Variants in VPS26A observed in about 807,000 individuals in gnomAD.
VPS26A encodes the protein vacuolar protein sorting-associated protein 26A.
Under a neutral mutation model 42.4 loss-of-function variants are expected in VPS26A, and 22 were observed. The ratio of observed to expected loss-of-function variants is 0.52; its 90% CI spans 0.37 to 0.74. The LOEUF (loss-of-function observed/expected upper bound fraction) is 0.74, where lower values mean the gene tolerates loss of function less well. Ranked by LOEUF, VPS26A falls within the 30% of genes least tolerant of loss-of-function variation. The probability of loss-of-function intolerance (pLI) is 0.00; values close to 1 mark genes in which losing one functional copy is unlikely to be tolerated. For missense variants in VPS26A, 276 were observed against 379.2 expected (o/e 0.73, Z 2.26); for synonymous variants, 110 against 123.5 (o/e 0.89, Z 0.73).
intron 2 of VPS26A, 21 bp from the exon 3 acceptor site, chr10:69,155,789 CTT>C: frequency 1.3e-6 from 2 of 1,598,766 alleles, no homozygotes; most frequent in Non-Finnish European, 1.7e-6. Flanking sequence ...GTTAACATCT[CTT>C]ATAATTTCAT....
Position 69,133,680 on chromosome 10 carries a change from GT to G in VPS26A, c.153+637del, listed in dbSNP as rs1564673951. The G allele has an allele frequency of 2.8e-6, 3 of 1,085,200 alleles. No individual in the cohort carries two copies. The African/African-American group carries it at 5.0e-5, about 18-fold the overall frequency. The allele number at this position is 1,085,200 out of a possible 1,614,324, so 67.2% of individuals were successfully genotyped here. A position where few individuals can be genotyped will look rare whatever the true frequency, so the allele number is the denominator to read the frequency against. On this transcript the variant is annotated intron_variant, in intron 2 of 8. Coordinates refer to ENST00000263559, the MANE Select transcript of VPS26A (RefSeq NM_004896.5). ...TTGTTTTGGGTTTTTTGGGTTTTTT[GT>G]TTTGTTTTGTTTCGTTTTTTAAATA... is the stretch of plus-strand genomic sequence containing the variant.
chr10:69,140,359 A>AC (rs997277403), intron 2 of VPS26A, among the ~76,000 whole-genome samples: 52 of 151,568 alleles, frequency 3.4e-4, no homozygotes, highest in African/African-American at 1.0e-3. Context: ...GAGCCACTGC[A>AC]CCCGACCTTC....
chr10:69,134,343 T>G (rs1225983565), intron 2 of VPS26A, among the ~76,000 whole-genome samples: 9 of 152,212 alleles, frequency 5.9e-5, no homozygotes, highest in Admixed American at 5.2e-4. Flanking sequence ...TTCATATCTT[T>G]GGTAATATGG....
chr10:69,149,512 T>TA (rs1841243143), intron 2 of VPS26A, among the ~76,000 whole-genome samples: 1 of 152,128 alleles, frequency 6.6e-6, no homozygotes, highest in Non-Finnish European at 1.5e-5. Context: ...GGAACACATT[T>TA]AAAATTTTTT....
Position 69,173,572 on chromosome 10 carries a change from G to A in VPS26A, c.*2303G>A, listed in dbSNP as rs113439717. Among the ~76,000 whole-genome samples the A allele has an allele frequency of 3.8e-4, 58 of 152,354 alleles. 3 individuals are homozygous for A. The highest frequency in any genetic ancestry group is 1.3e-3 in the African/African-American group (55 of 41,584). On this transcript the variant is annotated 3_prime_UTR_variant, in exon 9 of 9. Transcript: ENST00000263559. Reference sequence around the variant, plus strand: ...GTGAAGCCAGCTGGACTTCTGAGTTGCGTGGGGACTTGGAGAACTTTTCTG... The same window carrying A: ...GTGAAGCCAGCTGGACTTCTGAGTTACGTGGGGACTTGGAGAACTTTTCTG...
At chr10:69,131,512 A>G (rs181950667) in intron 1 of VPS26A, among the ~76,000 whole-genome samples, 1 of 152,278 alleles carries the variant, frequency 6.6e-6, no homozygotes, top group Non-Finnish European at 1.5e-5. Flanking sequence ...AGGCGAGTGG[A>G]TCACGAGGTC....
intron 1 of VPS26A, among the ~76,000 whole-genome samples, chr10:69,124,899 A>T (rs1840617399): frequency 6.6e-6 from 1 of 152,216 alleles, no homozygotes; most frequent in Non-Finnish European, 1.5e-5. Context: ...CGTTTTAAGC[A>T]TTGGCTCTCA....
intron 5 of VPS26A, 35 bp downstream of exon 5, chr10:69,158,246 A>C (rs374928650): frequency 6.6e-7 from 1 of 1,505,310 alleles, no homozygotes; most frequent in African/African-American, 1.4e-5. Context: ...GTTCAGAGAA[A>C]ATTCAAAAAT....
chr10:69,169,243 CATT>C (rs200634809), intron 8 of VPS26A, among the ~76,000 whole-genome samples: 14 of 150,302 alleles, frequency 9.3e-5, no homozygotes, highest in South Asian at 2.1e-4. Context: ...AACAAATATA[CATT>C]ATTATTATTA....
At chr10:69,170,967 TAGG>T (rs1479813816) in intron 8 of VPS26A, among the ~76,000 whole-genome samples, 186 bp from the exon 9 acceptor site, 2 of 152,076 alleles carry the variant, frequency 1.3e-5, no homozygotes, top group Admixed American at 6.6e-5. Flanking sequence ...GTGCTGGTGA[TAGG>T]AGCACTAGAG....
At chr10:69,132,376 A>G (rs1220180012) in intron 1 of VPS26A, among the ~76,000 whole-genome samples, 3 of 151,180 alleles carry the variant, frequency 2.0e-5, no homozygotes, top group Admixed American at 6.6e-5. Context: ...TTAAAAACAC[A>G]TAACATGAAA....
At chr10:69,170,567 G>T (rs888901334) in intron 8 of VPS26A, among the ~76,000 whole-genome samples, 1 of 152,180 alleles carries the variant, frequency 6.6e-6, no homozygotes, top group Non-Finnish European at 1.5e-5. Flanking sequence ...TGTAGGGCGA[G>T]TTTATTTGGA....
chr10:69,161,582 A>G (rs1346618763), intron 5 of VPS26A: 8 of 240,558 alleles, frequency 3.3e-5, no homozygotes, highest in Non-Finnish European at 1.7e-5. Context: ...ACTCCTTGCC[A>G]TAGTTCTTAA....
chr10:69,156,926 G>A (rs1246289163), intron 3 of VPS26A, 81 bp from the exon 4 acceptor site: 11 of 1,283,284 alleles, frequency 8.6e-6, no homozygotes, highest in East Asian at 2.5e-5. Flanking sequence ...GGTAAAAATC[G>A]TTTGTGTTTG....
chr10:69,163,718 C>T, intron 6 of VPS26A, among the ~76,000 whole-genome samples: 1 of 151,742 alleles, frequency 6.6e-6, no homozygotes, highest in Admixed American at 6.6e-5. Context: ...ATGATTACCA[C>T]AGTCAAGCTA....
chr10:69,136,245 T>C (rs1306986025), intron 2 of VPS26A, among the ~76,000 whole-genome samples: 1 of 151,652 alleles, frequency 6.6e-6, no homozygotes, highest in African/African-American at 2.4e-5. Flanking sequence ...TGGTTTTCTT[T>C]CTCTGTCATT....
At chr10:69,153,556 T>A (rs1841367979) in intron 2 of VPS26A, among the ~76,000 whole-genome samples, 1 of 150,746 alleles carries the variant, frequency 6.6e-6, no homozygotes, top group Non-Finnish European at 1.5e-5. Flanking sequence ...TGCTATATTG[T>A]CCAAGCTCGT....
In VPS26A at chr10:69,169,062, G is replaced by A. The variant is rs1330516500; in HGVS notation, c.870+431G>A. On this transcript the variant is annotated intron_variant, in intron 8 of 8. Coordinates refer to ENST00000263559, the MANE Select transcript of VPS26A (RefSeq NM_004896.5). ...TTTTTCTTACTGTTTTTAATTTTTTGTAGAGACAGAGTCTCACTGTGTTGC... is the reference window on the plus strand; with the variant it reads ...TTTTTCTTACTGTTTTTAATTTTTTATAGAGACAGAGTCTCACTGTGTTGC... Among the ~76,000 whole-genome samples, 4 of 142,996 alleles carry A rather than the reference G, an allele frequency of 2.8e-5. No homozygotes were observed. In the East Asian group the frequency reaches 8.2e-4, roughly 29 times the overall value. 93.8% of individuals were successfully genotyped at this position (142,996 alleles called of 152,430 possible).
chr10:69,132,283 A>G (rs940226820), intron 1 of VPS26A, among the ~76,000 whole-genome samples: 2 of 152,048 alleles, frequency 1.3e-5, no homozygotes, highest in Admixed American at 6.6e-5. Context: ...TTAATATTTG[A>G]TTATAGTGGT....
Sources: allele counts gnomAD v4.1 joint callset (sites outside exome capture counted in the v4.1 genomes callset), GRCh38; gene constraint gnomAD v4.1.1; transcripts MANE v1.5; gene names NCBI Gene and HGNC (gene_info 2026-07-23, HGNC 2026-07-21).